The following ARHGAP6 variants were observed in gnomAD, a reference collection of about 807,000 sequenced individuals.
ARHGAP6 encodes the protein rho GTPase-activating protein 6.
ARHGAP6 carries 16 observed loss-of-function variants against 55.7 expected under a neutral mutation model. The ratio of observed to expected loss-of-function variants is 0.29; its 90% CI spans 0.19 to 0.44. The LOEUF (loss-of-function observed/expected upper bound fraction) is 0.44, where lower values mean the gene tolerates loss of function less well. Ranked by LOEUF, ARHGAP6 falls within the 20% of genes least tolerant of loss-of-function variation. The pLI is 1.00. For synonymous variants in ARHGAP6, 382 were observed against 360.9 expected, an observed-to-expected ratio of 1.06 and a Z score of -0.66; for missense variants, 698 against 808.9, an observed-to-expected ratio of 0.86 and a Z score of 1.66.
chrX:11,239,930 C>T (rs1352604300), intron 2 of ARHGAP6, among the ~76,000 whole-genome samples: 1 of 112,043 alleles, frequency 8.9e-6, no homozygotes, highest in Non-Finnish European at 1.9e-5. Flanking sequence ...CATTATTTCT[C>T]ACTTTGAGGG....
At chrX:11,568,754 C>G (rs1163961221) in intron 1 of ARHGAP6, among the ~76,000 whole-genome samples, 1 of 92,137 alleles carries the variant, frequency 1.1e-5, no homozygotes, top group African/African-American at 4.2e-5. Flanking sequence ...GAGATACTAT[C>G]TCAAAAAAAA....
intron 1 of ARHGAP6, among the ~76,000 whole-genome samples, chrX:11,628,916 T>C (rs1390277622): frequency 1.8e-5 from 2 of 112,382 alleles, no homozygotes; most frequent in East Asian, 5.5e-4. Context: ...CAGCTAATTT[T>C]GGTCATCTGC....
chrX:11,311,155 G>A (rs1242218720), intron 1 of ARHGAP6, among the ~76,000 whole-genome samples: 1 of 111,740 alleles, frequency 8.9e-6, no homozygotes, highest in Non-Finnish European at 1.9e-5. Context: ...AAGTAAAAAT[G>A]AAATTAGAAG....
chrX:11,589,065 C>T (rs1458846666), intron 1 of ARHGAP6, among the ~76,000 whole-genome samples: 2 of 97,566 alleles, frequency 2.0e-5, no homozygotes, highest in African/African-American at 3.9e-5. Flanking sequence ...TTTTTTGAGA[C>T]GAGTCTTGCT....
intron 1 of ARHGAP6, among the ~76,000 whole-genome samples, chrX:11,590,776 GA>G (rs1569410667): frequency 0.042 from 745 of 17,580 alleles, 96 homozygotes; most frequent in Middle Eastern, 0.12. Flanking sequence ...ACTCCATCTC[GA>G]AAAGAAAAGA....
At chrX:11,509,302 G>A (rs1421475804) in intron 1 of ARHGAP6, among the ~76,000 whole-genome samples, 1 of 111,886 alleles carries the variant, frequency 8.9e-6, no homozygotes, top group Non-Finnish European at 1.9e-5. Flanking sequence ...CTAGGACCAG[G>A]AAGGGGTGGA....
chrX:11,258,436 A>G (rs1267230153), intron 1 of ARHGAP6, among the ~76,000 whole-genome samples: 8 of 110,201 alleles, frequency 7.3e-5, no homozygotes, highest in African/African-American at 2.6e-4. Flanking sequence ...TTGCAGGGGG[A>G]GAAGGAAGAT....
At chrX:11,235,351 A>G (rs2047184496) in intron 2 of ARHGAP6, among the ~76,000 whole-genome samples, 1 of 112,615 alleles carries the variant, frequency 8.9e-6, no homozygotes, top group Non-Finnish European at 1.9e-5. Flanking sequence ...ACCATGTCCT[A>G]AGGCTGCATA....
At chrX:11,485,389 G>A (rs2050501727) in intron 1 of ARHGAP6, among the ~76,000 whole-genome samples, 1 of 112,379 alleles carries the variant, frequency 8.9e-6, no homozygotes, top group Non-Finnish European at 1.9e-5. Context: ...TGTTTTCAGA[G>A]AGGTGATCAG....
chrX:11,615,838 T>C (rs1435681488), intron 1 of ARHGAP6, among the ~76,000 whole-genome samples: 1 of 112,388 alleles, frequency 8.9e-6, no homozygotes, highest in Non-Finnish European at 1.9e-5. Context: ...GCAGCCTAGA[T>C]AATACTTTTC....
In ARHGAP6 at chrX:11,354,281, CTCTCTCTCTCTCTT is replaced by C. The variant is rs1403304370; in HGVS notation, c.589-99588_589-99575del. Among the ~76,000 whole-genome samples, 75 of 81,217 alleles carry C rather than the reference CTCTCTCTCTCTCTT, an allele frequency of 9.2e-4. 1 individual carries two copies. Among genetic ancestry groups the C allele is most frequent in the African/African-American group, 2.4e-3 (51 of 20,876 alleles). 70.5% of individuals were successfully genotyped at this position (81,217 alleles called of 115,157 possible). ...CATGGAAAGAGCTCTCTCTCTCTCTCTCTCTCTCTCTCTTTCTCTCTCTCTCTCTCTCTCTCTCT... is the reference window on the plus strand; with the variant it reads ...CATGGAAAGAGCTCTCTCTCTCTCTCTCTCTCTCTCTCTCTCTCTCTCTCT... On this transcript the variant is annotated intron_variant, in intron 1 of 12. Coordinates refer to ENST00000337414, the MANE Select transcript of ARHGAP6 (RefSeq NM_013427.3).
intron 1 of ARHGAP6, chrX:11,427,610 G>A: frequency 1.1e-6 from 1 of 889,646 alleles, no homozygotes; most frequent in Non-Finnish European, 1.4e-6. Context: ...CCTCCGGGAG[G>A]AGTGGCGCGC....
At chrX:11,364,786 G>A (rs944237686) in intron 1 of ARHGAP6, among the ~76,000 whole-genome samples, 2 of 111,245 alleles carry the variant, frequency 1.8e-5, no homozygotes, top group African/African-American at 6.5e-5. Flanking sequence ...TAGGCAACAG[G>A]GGGCACCCTG....
chrX:11,156,442 G>A, intron 10 of ARHGAP6, 87 bp downstream of exon 10: 4 of 866,750 alleles, frequency 4.6e-6, no homozygotes, highest in Middle Eastern at 3.7e-4. Flanking sequence ...CACCCTGCAT[G>A]TACTTATGTA....
Position 11,138,924 on chromosome X carries a change from C to T in ARHGAP6, c.2864G>A (p.Trp955Ter). The T allele has an allele frequency of 8.4e-7, 1 of 1,189,334 alleles. No individual in the cohort carries two copies. Among genetic ancestry groups the T allele is most frequent in the Non-Finnish European group, 1.1e-6 (1 of 888,056 alleles). Residue 955 changes from tryptophan (W) to a stop codon, truncating the protein, a stop_gained, in exon 13 of 13, where the codon TGG becomes TAG. Coordinates refer to ENST00000337414, the MANE Select transcript of ARHGAP6 (RefSeq NM_013427.3). LOFTEE classifies it high-confidence loss of function. ...AGWLDWQRER[W>*]QIWELLSTDN... The stretch of plus-strand genomic sequence containing the variant: ...GGTCGACAGGAGCTCCCAGATCTGC[C>T]AGCGCTCTCTCTGCCAGTCGAGCCA...
At chrX:11,466,672 T>C (rs1176327248) in intron 1 of ARHGAP6, among the ~76,000 whole-genome samples, 1 of 111,136 alleles carries the variant, frequency 9.0e-6, no homozygotes, top group Non-Finnish European at 1.9e-5. Context: ...ACCAGGCTAA[T>C]TTTTTGTTTC....
At chrX:11,351,326 T>A (rs1447835752) in intron 1 of ARHGAP6, 1 of 944,426 alleles carries the variant, frequency 1.1e-6, no homozygotes, top group African/African-American at 2.0e-5. Flanking sequence ...AGCTACTATA[T>A]TAAAATAAAC....
intron 1 of ARHGAP6, among the ~76,000 whole-genome samples, chrX:11,583,519 A>C (rs769736270): frequency 1.8e-5 from 2 of 112,683 alleles, no homozygotes; most frequent in African/African-American, 3.2e-5. Flanking sequence ...TATTTTTAAA[A>C]AGGGAACAGC....
chrX:11,266,994 T>C (rs1419037755), intron 1 of ARHGAP6, among the ~76,000 whole-genome samples: 1 of 111,549 alleles, frequency 9.0e-6, no homozygotes, highest in East Asian at 2.8e-4. Flanking sequence ...TGATTAAACT[T>C]AAACAGAGAT....
Sources: gnomAD v4.1 joint callset for allele counts (sites outside exome capture counted in the v4.1 genomes callset) on GRCh38, gnomAD v4.1.1 for gene constraint, MANE v1.5 for transcripts, NCBI Gene and HGNC (gene_info 2026-07-23, HGNC 2026-07-21) for gene names.